The following GTF2A1 variants were observed in gnomAD, a reference collection of about 807,000 sequenced individuals.
GTF2A1 encodes general transcription factor IIA subunit 1.
Under a neutral mutation model 54.1 loss-of-function variants are expected in GTF2A1, and 12 were observed. The ratio of observed to expected loss-of-function variants is 0.22; its 90% confidence interval spans 0.14 to 0.36. The LOEUF (loss-of-function observed/expected upper bound fraction) is 0.36. Ranked by LOEUF, GTF2A1 falls within the 10% of genes least tolerant of loss-of-function variation. GTF2A1 has a pLI of 1.00. For synonymous variants in GTF2A1, 145 were observed against 152.0 expected, an observed-to-expected ratio of 0.95 and a Z score of 0.34; for missense variants, 335 against 442.2, an observed-to-expected ratio of 0.76 and a Z score of 2.17.
At chr14:81,201,960 G>C (rs1893121258) in intron 3 of GTF2A1, among the ~76,000 whole-genome samples, 1 of 152,114 alleles carries the variant, frequency 6.6e-6, no homozygotes, top group Non-Finnish European at 1.5e-5. Context: ...AGGAGTTCAA[G>C]ACCAGACTGG....
At chr14:81,191,341 CA>C (rs1348718475) in intron 7 of GTF2A1, among the ~76,000 whole-genome samples, 1 of 152,144 alleles carries the variant, frequency 6.6e-6, no homozygotes, top group Non-Finnish European at 1.5e-5. Flanking sequence ...GAACCTCTTG[CA>C]TTTGTGTCCC....
At chr14:81,208,494 T>C (rs553663231) in intron 2 of GTF2A1, among the ~76,000 whole-genome samples, 1 of 152,300 alleles carries the variant, frequency 6.6e-6, no homozygotes, top group Admixed American at 6.5e-5. Context: ...AAGAGAAATG[T>C]GGGGTCGGAG....
intron 2 of GTF2A1, among the ~76,000 whole-genome samples, chr14:81,212,060 A>T (rs1893383798): frequency 6.6e-6 from 1 of 151,828 alleles, no homozygotes; most frequent in Non-Finnish European, 1.5e-5. Context: ...AACATTCTAC[A>T]ATCAATAGGA....
chr14:81,202,843 T>C (rs775899508), intron 3 of GTF2A1: 1 of 494,852 alleles, frequency 2.0e-6, no homozygotes, highest in South Asian at 1.5e-5. Context: ...CAAAAAAGAA[T>C]AAAAGGATAA....
intron 4 of GTF2A1, among the ~76,000 whole-genome samples, chr14:81,199,518 T>C (rs1195695362): frequency 3.9e-5 from 6 of 152,202 alleles, no homozygotes; most frequent in Admixed American, 2.6e-4. Context: ...AAAGAACAAA[T>C]ATATTTTTGC....
Position 81,180,169 on chromosome 14 carries a change from C to T in GTF2A1, c.*54G>A, listed in dbSNP as rs1246839940. 1.8e-5 allele frequency: 14 copies of T among 781,498 alleles called. No individual in the cohort carries two copies. Among genetic ancestry groups the T allele is most frequent in the South Asian group, 1.2e-4 (7 of 58,182 alleles). 48.4% of individuals were successfully genotyped at this position (781,498 alleles called of 1,614,324 possible). On this transcript the variant is annotated 3_prime_UTR_variant, in exon 9 of 9. Transcript: ENST00000553612. Reference sequence around the variant, plus strand: ...CATATGCCCCAAGTTTCAAACTGTCCGCTTTACATTTTTTTTAAGTTTCTT... The same window carrying T: ...CATATGCCCCAAGTTTCAAACTGTCTGCTTTACATTTTTTTTAAGTTTCTT...
chr14:81,218,370 C>T lies in GTF2A1; in HGVS notation c.31-1856G>A, dbSNP rs190258263. On this transcript the variant is annotated intron_variant, in intron 1 of 8. Coordinates refer to ENST00000553612, the MANE Select transcript of GTF2A1 (RefSeq NM_015859.4). ...AACTCACAACTTGACCACTTAACAG[C>T]TTCATAAGCCCTATAGGTGAAGGAA... is the stretch of plus-strand genomic sequence containing the variant. 1.3e-4 allele frequency among the ~76,000 whole-genome samples: 20 copies of T among 152,232 alleles called. No individual in the cohort carries two copies. The East Asian group carries it at 3.9e-3, about 29-fold the overall frequency.
At chr14:81,205,001 T>A (rs568179514) in intron 2 of GTF2A1, among the ~76,000 whole-genome samples, 83 of 152,356 alleles carry the variant, frequency 5.4e-4, no homozygotes, top group African/African-American at 1.9e-3. Flanking sequence ...GATCTACACA[T>A]ACTTTGTCTT....
upstream of GTF2A1, chr14:81,221,146 A>T (rs1307222804): frequency 1.3e-5 from 2 of 152,214 alleles, no homozygotes; most frequent in Non-Finnish European, 2.9e-5. Flanking sequence ...AATCGGACCT[A>T]CGCCTCTCCA....
At chr14:81,188,490 G>T (rs1289898710) in intron 7 of GTF2A1, among the ~76,000 whole-genome samples, 1 of 152,176 alleles carries the variant, frequency 6.6e-6, no homozygotes, top group Non-Finnish European at 1.5e-5. Flanking sequence ...TGTTGCAAGC[G>T]GCTGGGCACA....
At chr14:81,186,706 TG>T (rs1178077558) in intron 7 of GTF2A1, among the ~76,000 whole-genome samples, 1 of 152,158 alleles carries the variant, frequency 6.6e-6, no homozygotes, top group Non-Finnish European at 1.5e-5. Flanking sequence ...TCTAGCACTT[TG>T]GGTGGCCTAG....
intron 1 of GTF2A1, 73 bp downstream of exon 1, chr14:81,220,416 C>A (rs1266876639): frequency 7.3e-5 from 79 of 1,084,266 alleles, no homozygotes; most frequent in Non-Finnish European, 1.0e-4. Flanking sequence ...CGCCGCCGTC[C>A]CCGCCCCCGC....
Position 81,203,619 on chromosome 14 carries a change from C to T in GTF2A1, c.337+281G>A, listed in dbSNP as rs191499285. On this transcript the variant is annotated intron_variant, in intron 3 of 8. Coordinates refer to ENST00000553612, the MANE Select transcript of GTF2A1 (RefSeq NM_015859.4). ...TCAAAACAAAATATTAATATAACTTCTCTGAATATCTTAGGCTTTCAATTA... is the reference window on the plus strand; with the variant it reads ...TCAAAACAAAATATTAATATAACTTTTCTGAATATCTTAGGCTTTCAATTA... 2.7e-3 allele frequency among the ~76,000 whole-genome samples: 406 copies of T among 152,254 alleles called. 2 individuals carry two copies. Among genetic ancestry groups the T allele is most frequent in the Middle Eastern group, 0.01 (3 of 292 alleles).
intron 6 of GTF2A1, 71 bp downstream of exon 6, chr14:81,196,037 G>A: frequency 2.1e-6 from 3 of 1,407,348 alleles, no homozygotes; most frequent in Non-Finnish European, 2.0e-6. Flanking sequence ...ATAAGGAGAG[G>A]GAAACTACCC....
Position 81,196,253 on chromosome 14 carries a change from A to T in GTF2A1, c.479-12T>A, listed in dbSNP as rs769722323. The T allele has an allele frequency of 1.2e-6, 2 of 1,613,876 alleles. No individual in the cohort carries two copies. The highest frequency in any genetic ancestry group is 8.5e-7 in the Non-Finnish European group (1 of 1,179,878). The stretch of plus-strand genomic sequence containing the variant: ...CTGAAGAAGCTGGCCTAAAGCAAAA[A>T]GCATGCATTCCGAGTTATCATTTTA... On this transcript the variant is annotated splice_polypyrimidine_tract_variant and intron_variant, in intron 5 of 8. Coordinates refer to ENST00000553612, the MANE Select transcript of GTF2A1 (RefSeq NM_015859.4).
intron 2 of GTF2A1, among the ~76,000 whole-genome samples, chr14:81,213,259 T>C (rs1893412300): frequency 6.6e-6 from 1 of 152,166 alleles, no homozygotes; most frequent in African/African-American, 2.4e-5. Context: ...AAACTAAAAA[T>C]CAGTGTGTTA....
intron 1 of GTF2A1, among the ~76,000 whole-genome samples, chr14:81,218,817 C>T (rs939016535): frequency 1.4e-4 from 21 of 150,232 alleles, no homozygotes; most frequent in African/African-American, 4.9e-4. Flanking sequence ...ATCTAGTTTG[C>T]AGTCTGTCTC....
rs1298402253 is a variant in GTF2A1, at chr14:81,178,897, C to T, written c.*1326G>A. On this transcript the variant is annotated 3_prime_UTR_variant, in exon 9 of 9. Transcript: ENST00000553612. ...TCCCAGGCAGTGAATTCACACTGAA[C>T]ACAGCAGTGCCATATTGTTCTTCAG... The T allele has an allele frequency of 6.6e-6, 1 of 152,226 alleles. No homozygotes were observed. Among genetic ancestry groups the T allele is most frequent in the African/African-American group, 2.4e-5 (1 of 41,464 alleles). The allele number at this position is 152,226 out of a possible 1,614,324, so 9.4% of individuals were successfully genotyped here.
chr14:81,220,314 C>T (rs1893598342), intron 1 of GTF2A1, among the ~76,000 whole-genome samples, 175 bp downstream of exon 1: 1 of 145,466 alleles, frequency 6.9e-6, no homozygotes, highest in Non-Finnish European at 1.5e-5. Context: ...CCCCCCCGCG[C>T]CCGCCGCCCG....
Sources: gnomAD v4.1 joint callset for allele counts (sites outside exome capture counted in the v4.1 genomes callset) on GRCh38, gnomAD v4.1.1 for gene constraint, MANE v1.5 for transcripts, NCBI Gene and HGNC (gene_info 2026-07-23, HGNC 2026-07-21) for gene names.